Variants in CALB1 observed in about 807,000 individuals in gnomAD.
CALB1 encodes the protein calbindin.
Under a neutral mutation model 46.7 loss-of-function variants are expected in CALB1, and 16 were observed. That is an observed-to-expected ratio of 0.34 (90% confidence interval 0.23 to 0.52). The LOEUF (loss-of-function observed/expected upper bound fraction) is 0.52, where lower values mean the gene tolerates loss of function less well. Among genes scored for constraint, CALB1 ranks in the 20% least tolerant of loss-of-function variants. CALB1 has a pLI of 0.95. For missense variants in CALB1, 224 were observed against 300.3 expected (o/e 0.75, Z 1.88); for synonymous variants, 90 against 112.8 (o/e 0.80, Z 1.28).
intron 9 of CALB1, chr8:90,062,044 G>A (rs1362646585): frequency 6.6e-6 from 1 of 151,940 alleles, no homozygotes; most frequent in Admixed American, 6.6e-5. Context: ...ACATGTTATA[G>A]TCAACTGATC....
chr8:90,072,336 A>G (rs1207406797), intron 3 of CALB1, among the ~76,000 whole-genome samples: 1 of 152,228 alleles, frequency 6.6e-6, no homozygotes, highest in Non-Finnish European at 1.5e-5. Context: ...CATGTCTACT[A>G]TAAATGTGTA....
chr8:90,078,471 G>A, intron 2 of CALB1, 24 bp from the exon 3 acceptor site: 1 of 1,387,410 alleles, frequency 7.2e-7, no homozygotes, highest in South Asian at 1.2e-5. Context: ...AAAGCAGGTA[G>A]GAGGTTTGTT....
chr8:90,081,775 C>T (rs982535315), intron 2 of CALB1, among the ~76,000 whole-genome samples: 1 of 151,690 alleles, frequency 6.6e-6, no homozygotes, highest in Admixed American at 6.6e-5. Context: ...TCCCTTTCTC[C>T]CTTCTTCCCT....
intron 3 of CALB1, among the ~76,000 whole-genome samples, chr8:90,071,020 A>G (rs995811920): frequency 1.3e-5 from 2 of 152,178 alleles, no homozygotes; most frequent in Non-Finnish European, 2.9e-5. Context: ...AAATTTTTCA[A>G]TTGAGGATGC....
chr8:90,063,488 G>T, intron 6 of CALB1, 27 bp from the exon 7 acceptor site: 2 of 1,568,680 alleles, frequency 1.3e-6, no homozygotes, highest in Non-Finnish European at 1.8e-6. Flanking sequence ...CATTATTCTA[G>T]CTATTTGAGG....
chr8:90,081,995 CTT>C (rs773300189), intron 2 of CALB1, 29 bp downstream of exon 2: 39 of 1,582,792 alleles, frequency 2.5e-5, no homozygotes, highest in Non-Finnish European at 3.3e-5. Context: ...GGTTAAAAGT[CTT>C]TTTTTCTTTT....
At chr8:90,075,063 G>A (rs1271595304) in intron 3 of CALB1, among the ~76,000 whole-genome samples, 1 of 152,114 alleles carries the variant, frequency 6.6e-6, no homozygotes, top group Non-Finnish European at 1.5e-5. Flanking sequence ...CCTGTCTTGA[G>A]TTTGTGTTAA....
intron 2 of CALB1, among the ~76,000 whole-genome samples, chr8:90,081,725 AG>A: frequency 6.6e-6 from 1 of 152,108 alleles, no homozygotes; most frequent in South Asian, 2.1e-4. Flanking sequence ...TCAGATAGCA[AG>A]GTTTTTCCCT....
chr8:90,063,394 T>TG lies in CALB1; in HGVS notation c.506+11_506+12insC, dbSNP rs1376512550. 1.2e-6 allele frequency: 2 copies of TG among 1,607,322 alleles called. No individual in the cohort carries two copies. The highest frequency in any genetic ancestry group is 1.7e-6 in the Non-Finnish European group (2 of 1,174,922). On this transcript the variant is annotated intron_variant, in intron 7 of 10. Coordinates refer to ENST00000265431, the MANE Select transcript of CALB1 (RefSeq NM_004929.4). ...ATCCACTTACAATATTTTTCATGGT[T>TG]CCTAAACTCACCTGGCCATCTCAGT...
chr8:90,076,216 A>C (rs1004359492), intron 3 of CALB1, among the ~76,000 whole-genome samples: 5 of 152,170 alleles, frequency 3.3e-5, no homozygotes, highest in Non-Finnish European at 4.4e-5. Flanking sequence ...GTGCATCCCT[A>C]TTCATCCCAG....
In CALB1 at chr8:90,082,862, C is replaced by T. The variant is rs1036123898; in HGVS notation, c.-165G>A. 3 of 651,180 alleles carry T rather than the reference C, an allele frequency of 4.6e-6. No individual in the cohort carries two copies. The African/African-American group carries it at 5.4e-5, about 12-fold the overall frequency. 40.3% of individuals were successfully genotyped at this position (651,180 alleles called of 1,614,324 possible). On this transcript the variant is annotated 5_prime_UTR_variant, in exon 1 of 11. Coordinates refer to ENST00000265431, the MANE Select transcript of CALB1 (RefSeq NM_004929.4). ...CTCGGTGCTGCTCAGCTCAGCGTTC[C>T]TCCAGAGTTCTCTCCCTACACCCCG...
At chr8:90,064,082 T>G (rs564507898) in intron 6 of CALB1, 1 of 151,948 alleles carries the variant, frequency 6.6e-6, no homozygotes, top group East Asian at 1.9e-4. Context: ...CTATAATATG[T>G]TATACCAAAG....
intron 5 of CALB1, among the ~76,000 whole-genome samples, chr8:90,066,294 GGAT>G (rs1286979446): frequency 6.6e-6 from 1 of 151,934 alleles, no homozygotes; most frequent in Non-Finnish European, 1.5e-5. Flanking sequence ...CCAGCCCAAT[GGAT>G]GCATTTCTTC....
intron 5 of CALB1, among the ~76,000 whole-genome samples, chr8:90,067,588 T>G (rs1263437690): frequency 4.6e-5 from 7 of 152,184 alleles, no homozygotes; most frequent in African/African-American, 1.7e-4. Flanking sequence ...GAGGATAAAA[T>G]TGAGTATGTT....
chr8:90,071,400 G>C (rs889377390), intron 3 of CALB1, among the ~76,000 whole-genome samples: 1 of 152,032 alleles, frequency 6.6e-6, no homozygotes, highest in East Asian at 1.9e-4. Flanking sequence ...TCTCCCCCCA[G>C]AGCTAAGGGG....
chr8:90,067,175 C>G (rs1814415695), intron 5 of CALB1, among the ~76,000 whole-genome samples: 1 of 151,988 alleles, frequency 6.6e-6, no homozygotes, highest in South Asian at 2.1e-4. Flanking sequence ...CAAAAATAGC[C>G]TCGGAGAAAC....
intron 9 of CALB1, 163 bp downstream of exon 9, chr8:90,062,937 C>A: frequency 1.9e-6 from 1 of 536,856 alleles, no homozygotes; most frequent in Non-Finnish European, 3.3e-6. Flanking sequence ...CATCAATGGG[C>A]ATAAAGTCTC....
chr8:90,079,934 G>A (rs1044861665), intron 2 of CALB1, among the ~76,000 whole-genome samples: 3 of 151,850 alleles, frequency 2.0e-5, no homozygotes, highest in African/African-American at 4.8e-5. Flanking sequence ...GTTTATAAGG[G>A]CAATTTTTAT....
chr8:90,081,980 T>C (rs1448740083), intron 2 of CALB1, 46 bp downstream of exon 2: 4 of 1,502,106 alleles, frequency 2.7e-6, no homozygotes, highest in Non-Finnish European at 2.8e-6. Flanking sequence ...ATGTTTTAAT[T>C]TGGGGGTTAA....
Sources: gnomAD v4.1 joint callset for allele counts (sites outside exome capture counted in the v4.1 genomes callset) on GRCh38, gnomAD v4.1.1 for gene constraint, MANE v1.5 for transcripts, NCBI Gene and HGNC (gene_info 2026-07-23, HGNC 2026-07-21) for gene names.